SYBU: variants seen among roughly 807,000 people sequenced by gnomAD.
SYBU encodes syntabulin, also known as GOLSYN A protein.
SYBU carries 21 observed loss-of-function variants against 35.9 expected under a neutral mutation model. The ratio of observed to expected loss-of-function variants is 0.58; its 90% CI spans 0.41 to 0.84. SYBU has a LOEUF of 0.84. Ranked by LOEUF, SYBU falls within the 40% of genes least tolerant of loss-of-function variation. SYBU has a pLI of 0.00. For synonymous variants in SYBU, 319 were observed against 324.3 expected, an observed-to-expected ratio of 0.98 and a Z score of 0.18; for missense variants, 768 against 848.2, an observed-to-expected ratio of 0.91 and a Z score of 1.17.
At chr8:109,689,037 T>C (rs1030605322) in intron 1 of SYBU, among the ~76,000 whole-genome samples, 2 of 152,192 alleles carry the variant, frequency 1.3e-5, no homozygotes, top group Non-Finnish European at 2.9e-5. Flanking sequence ...ATGTATTACA[T>C]ACTTAGAATA....
chr8:109,665,435 G>C (rs2130749515), intron 1 of SYBU, among the ~76,000 whole-genome samples: 1 of 152,294 alleles, frequency 6.6e-6, no homozygotes, highest in East Asian at 1.9e-4. Context: ...TTTTCTAATA[G>C]CTTTCACCAT....
upstream of SYBU, among the ~76,000 whole-genome samples, chr8:109,685,535 G>T (rs192995681): frequency 6.6e-6 from 1 of 152,312 alleles, no homozygotes; most frequent in Non-Finnish European, 1.5e-5. Flanking sequence ...GTCCCTCAAT[G>T]ACCTTAAATT....
In SYBU at chr8:109,597,273, G is replaced by A. The variant is rs150707840; in HGVS notation, c.428-11111C>T. 2.3e-3 allele frequency among the ~76,000 whole-genome samples: 350 copies of A among 152,262 alleles called. 3 individuals carry two copies. Among genetic ancestry groups the A allele is most frequent in the African/African-American group, 8.3e-3 (343 of 41,532 alleles). ...CAAAGTGGGGAGGAAGAGTGATGGG[G>A]GAAAGCTTCCCTGACGGTATGTGCT... On this transcript the variant is annotated intron_variant, in intron 3 of 6. Transcript: ENST00000276646.
At chr8:109,579,712 G>T in intron 5 of SYBU, 87 bp downstream of exon 5, 1 of 1,249,808 alleles carries the variant, frequency 8.0e-7, no homozygotes, top group Non-Finnish European at 1.2e-6. Flanking sequence ...GGGATCAAGA[G>T]TTGTATAACT....
At chr8:109,640,723 G>C (rs925995267) in intron 2 of SYBU, among the ~76,000 whole-genome samples, 2 of 144,078 alleles carry the variant, frequency 1.4e-5, no homozygotes, top group South Asian at 2.2e-4. Context: ...CAAATATAAA[G>C]AAATAAGTTT....
chr8:109,575,403 T>G lies in SYBU; in HGVS notation c.1495A>C (p.Ile499Leu). Residue 499 changes from isoleucine to leucine, a missense_variant, in exon 7 of 7, where the codon ATC becomes CTC. Ile to Leu is a conservative substitution (Grantham distance 5). Coordinates refer to ENST00000276646, the MANE Select transcript of SYBU (RefSeq NM_001099754.2). Reference sequence around the variant, plus strand: ...AGCACACTCTGAATGAGCTCTGAGATGGCTGGGCTGTAGGGCACCACGTCG... The same window carrying G: ...AGCACACTCTGAATGAGCTCTGAGAGGGCTGGGCTGTAGGGCACCACGTCG... ...QTDVVPYSPA[I>L]SELIQSVLQK... is the part of the protein sequence containing the mutation. 6.2e-7 allele frequency: 1 copy of G among 1,614,088 alleles called. No homozygotes were observed. The highest frequency in any genetic ancestry group is 8.5e-7 in the Non-Finnish European group (1 of 1,180,022).
At chr8:109,605,464 C>G (rs556329340) in intron 3 of SYBU, among the ~76,000 whole-genome samples, 1 of 152,142 alleles carries the variant, frequency 6.6e-6, no homozygotes, top group Non-Finnish European at 1.5e-5. Flanking sequence ...ACAAATGCTA[C>G]CCCCCTGCTC....
chr8:109,657,160 T>C (rs1456294323), intron 1 of SYBU, among the ~76,000 whole-genome samples: 1 of 152,200 alleles, frequency 6.6e-6, no homozygotes, highest in South Asian at 2.1e-4. Context: ...GCTGTTTTTA[T>C]AAACATTAAA....
chr8:109,642,054 C>A (rs1334783170), intron 2 of SYBU, among the ~76,000 whole-genome samples: 1 of 152,190 alleles, frequency 6.6e-6, no homozygotes, highest in Non-Finnish European at 1.5e-5. Flanking sequence ...GGAACCAACC[C>A]AAATGCCCAT....
chr8:109,621,680 G>T (rs1178706049), intron 2 of SYBU, among the ~76,000 whole-genome samples: 1 of 152,166 alleles, frequency 6.6e-6, no homozygotes, highest in Non-Finnish European at 1.5e-5. Flanking sequence ...AAAAGGATCT[G>T]GGTATATGTC....
chr8:109,687,900 A>G (rs1400501415), intron 1 of SYBU, among the ~76,000 whole-genome samples: 1 of 152,224 alleles, frequency 6.6e-6, no homozygotes, highest in Admixed American at 6.5e-5. Flanking sequence ...CTCTAACAAT[A>G]GAAGTACTCA....
At chr8:109,686,640 A>G (rs888616768) in intron 1 of SYBU, among the ~76,000 whole-genome samples, 1 of 152,220 alleles carries the variant, frequency 6.6e-6, no homozygotes. Context: ...CTTCATTTAT[A>G]CTACCAAAGA....
chr8:109,606,708 AC>A (rs1481714081), intron 3 of SYBU, among the ~76,000 whole-genome samples: 1 of 152,162 alleles, frequency 6.6e-6, no homozygotes, highest in Non-Finnish European at 1.5e-5. Context: ...CTAAAGTTTG[AC>A]CCCAGTGACA....
At chr8:109,674,265 A>AT (rs397945566) in intron 1 of SYBU, among the ~76,000 whole-genome samples, 7 of 150,548 alleles carry the variant, frequency 4.6e-5, no homozygotes, top group East Asian at 3.9e-4. Context: ...AAAAAAAAAA[A>AT]TTTTAAGGGC....
intron 1 of SYBU, among the ~76,000 whole-genome samples, chr8:109,668,421 G>T (rs972054929): frequency 2.0e-5 from 3 of 152,108 alleles, no homozygotes; most frequent in African/African-American, 7.2e-5. Flanking sequence ...AAGGAAACTG[G>T]CTAGGTAACT....
chr8:109,637,013 TC>T (rs754202570), intron 2 of SYBU, among the ~76,000 whole-genome samples: 6 of 152,144 alleles, frequency 3.9e-5, no homozygotes, highest in Non-Finnish European at 8.8e-5. Context: ...TCCTTATTCA[TC>T]TTGTGATGCT....
intron 1 of SYBU, chr8:109,644,355 T>G: frequency 1.7e-6 from 1 of 604,550 alleles, no homozygotes. Context: ...ACACACAGGA[T>G]ATCAACTGAA....
chr8:109,591,744 C>T (rs1220643299), intron 3 of SYBU, among the ~76,000 whole-genome samples: 2 of 151,558 alleles, frequency 1.3e-5, no homozygotes, highest in Admixed American at 6.6e-5. Context: ...GATCTCCTGA[C>T]CTCGTGATCC....
At chr8:109,672,921 T>G (rs140306395) in intron 1 of SYBU, among the ~76,000 whole-genome samples, 2,173 of 152,298 alleles carry the variant, frequency 0.014, 51 homozygotes, top group African/African-American at 0.049. Flanking sequence ...ACTGGGAAGT[T>G]TGGACTGGGT....
Sources: allele counts gnomAD v4.1 joint callset (sites outside exome capture counted in the v4.1 genomes callset), GRCh38; gene constraint gnomAD v4.1.1; transcripts MANE v1.5; gene names NCBI Gene and HGNC (gene_info 2026-07-23, HGNC 2026-07-21).